ARHGAP24: variants seen among roughly 807,000 people sequenced by gnomAD.
ARHGAP24 encodes Rho GTPase activating protein 24, also known as rho GTPase-activating protein 24.
ARHGAP24 carries 50 observed loss-of-function variants against 76.4 expected under a neutral mutation model. The ratio of observed to expected loss-of-function variants is 0.65; its 90% CI spans 0.52 to 0.83. The LOEUF (loss-of-function observed/expected upper bound fraction) is 0.83. Among genes scored for constraint, ARHGAP24 ranks in the 40% least tolerant of loss-of-function variants. ARHGAP24 has a pLI of 0.00. For missense variants in ARHGAP24, 930 were observed against 914.2 expected (o/e 1.02, Z -0.22); for synonymous variants, 345 against 323.3 (o/e 1.07, Z -0.72).
intron 3 of ARHGAP24, among the ~76,000 whole-genome samples, chr4:85,816,071 A>G (rs988156078): frequency 2.6e-5 from 4 of 152,114 alleles, no homozygotes; most frequent in Non-Finnish European, 4.4e-5. Context: ...CAATCCAACT[A>G]TCTCCACCAG....
intron 2 of ARHGAP24, among the ~76,000 whole-genome samples, chr4:85,623,845 T>C (rs566218624): frequency 6.8e-6 from 1 of 146,548 alleles, no homozygotes; most frequent in South Asian, 2.3e-4. Flanking sequence ...TTTATTCTCT[T>C]TGAAGCAATT....
At chr4:85,743,567 C>A (rs1191638653) in intron 3 of ARHGAP24, among the ~76,000 whole-genome samples, 1 of 151,524 alleles carries the variant, frequency 6.6e-6, no homozygotes, top group African/African-American at 2.4e-5. Flanking sequence ...GATCCTGTCT[C>A]AAAAACAAAA....
intron 3 of ARHGAP24, among the ~76,000 whole-genome samples, chr4:85,775,780 G>C (rs1727289699): frequency 1.3e-5 from 2 of 152,166 alleles, no homozygotes; most frequent in Non-Finnish European, 2.9e-5. Flanking sequence ...TTGTAGTAGG[G>C]CTGAAGCAGG....
intron 1 of ARHGAP24, among the ~76,000 whole-genome samples, chr4:85,520,883 T>C (rs985127697): frequency 6.6e-6 from 1 of 152,152 alleles, no homozygotes; most frequent in Non-Finnish European, 1.5e-5. Flanking sequence ...TAAGAAACAC[T>C]GAGGTAGATG....
chr4:85,643,245 T>G (rs1470185402), intron 2 of ARHGAP24, among the ~76,000 whole-genome samples: 1,264 of 6,726 alleles, frequency 0.19, 160 homozygotes, highest in African/African-American at 0.31. Flanking sequence ...TTTTTTTTTT[T>G]TTTTTTTTTT....
rs1292385830 is a variant in ARHGAP24 at position 86,001,550 on chromosome 4, G to A, written c.*828G>A. On this transcript the variant is annotated 3_prime_UTR_variant, in exon 10 of 10. Transcript: ENST00000395184. ...TTGAATTACTCTGTCCCTCTGGACC[G>A]AATCTCTTTAACTGCTGGATAGTTT... 3 of 397,228 alleles carry A rather than the reference G, an allele frequency of 7.6e-6. No individual in the cohort carries two copies. The highest frequency in any genetic ancestry group is 4.4e-5 in the Admixed American group (1 of 22,708). 24.6% of individuals were successfully genotyped at this position (397,228 alleles called of 1,614,324 possible).
At chr4:85,596,310 T>G (rs1053265139) in intron 2 of ARHGAP24, among the ~76,000 whole-genome samples, 3 of 152,004 alleles carry the variant, frequency 2.0e-5, no homozygotes. Context: ...GCATTGAAGG[T>G]CAAACATGAA....
chr4:85,662,455 C>G (rs1393731880), intron 2 of ARHGAP24, among the ~76,000 whole-genome samples: 1 of 150,940 alleles, frequency 6.6e-6, no homozygotes, highest in Non-Finnish European at 1.5e-5. Flanking sequence ...AATTTTCTCC[C>G]ATTTTGTAGG....
chr4:85,784,635 G>T (rs1727721761), intron 3 of ARHGAP24, among the ~76,000 whole-genome samples: 1 of 151,984 alleles, frequency 6.6e-6, no homozygotes, highest in South Asian at 2.1e-4. Flanking sequence ...CCTATTCAAT[G>T]CTGTCTATGG....
chr4:85,690,975 G>T (rs1723633024), intron 2 of ARHGAP24, among the ~76,000 whole-genome samples: 1 of 151,968 alleles, frequency 6.6e-6, no homozygotes, highest in African/African-American at 2.4e-5. Context: ...CTTGGTGAAG[G>T]TGTTTGGTGC....
intron 3 of ARHGAP24, among the ~76,000 whole-genome samples, chr4:85,764,552 G>A (rs1473429949): frequency 6.6e-6 from 1 of 152,142 alleles, no homozygotes; most frequent in Non-Finnish European, 1.5e-5. Context: ...TGAGAAGCAA[G>A]ATGTGAGATT....
intron 3 of ARHGAP24, among the ~76,000 whole-genome samples, chr4:85,852,820 T>C (rs1314940507): frequency 6.6e-6 from 1 of 152,224 alleles, no homozygotes; most frequent in Non-Finnish European, 1.5e-5. Flanking sequence ...CAGCAAATAT[T>C]GCTGCCTGAT....
At chr4:85,810,494 C>T (rs753369597) in intron 3 of ARHGAP24, among the ~76,000 whole-genome samples, 4 of 152,186 alleles carry the variant, frequency 2.6e-5, no homozygotes, top group Non-Finnish European at 5.9e-5. Flanking sequence ...TTCATCCACT[C>T]AACATGGCTG....
In ARHGAP24 at chr4:86,000,587, C is replaced by T. The variant is rs370881870; in HGVS notation, c.2112C>T (p.Ala704=). 95 of 1,613,336 alleles carry T rather than the reference C, an allele frequency of 5.9e-5. No homozygotes were observed. The highest frequency in any genetic ancestry group is 7.5e-5 in the Non-Finnish European group (88 of 1,179,848). The change falls in exon 10 of 10, where the codon GCC becomes GCT. Residue 704 remains alanine (A), a synonymous_variant. Coordinates refer to ENST00000395184, the MANE Select transcript of ARHGAP24 (RefSeq NM_001025616.3). ...FTMIEIKMRN[A]ERAKEDAEKR... is the part of the protein sequence containing the mutation. ...TGATAGAAATAAAAATGCGAAATGC[C>T]GAGCGAGCAAAAGAAGATGCCGAGA...
intron 3 of ARHGAP24, among the ~76,000 whole-genome samples, chr4:85,760,306 T>G (rs1030786317): frequency 6.6e-6 from 1 of 152,204 alleles, no homozygotes; most frequent in Non-Finnish European, 1.5e-5. Flanking sequence ...CTGATTAACC[T>G]GAGATCTATA....
intron 1 of ARHGAP24, among the ~76,000 whole-genome samples, chr4:85,548,396 C>T (rs543009855): frequency 8.2e-4 from 125 of 152,268 alleles, no homozygotes; most frequent in Non-Finnish European, 9.6e-4. Context: ...ATTTTTATTT[C>T]TATATCTATG....
At chr4:85,664,627 C>T (rs1476565954) in intron 2 of ARHGAP24, among the ~76,000 whole-genome samples, 1 of 150,448 alleles carries the variant, frequency 6.6e-6, no homozygotes, top group Non-Finnish European at 1.5e-5. Flanking sequence ...TTGGATCTTT[C>T]CTGCTTTCTC....
intron 4 of ARHGAP24, among the ~76,000 whole-genome samples, chr4:85,928,282 A>ACT (rs1736127567): frequency 7.4e-6 from 1 of 134,410 alleles, no homozygotes; most frequent in Non-Finnish European, 1.6e-5. Context: ...CCTCCCTCGC[A>ACT]CTCTCCTTTC....
chr4:85,852,524 G>A (rs1452766120), intron 3 of ARHGAP24, among the ~76,000 whole-genome samples: 1 of 152,208 alleles, frequency 6.6e-6, no homozygotes, highest in Non-Finnish European at 1.5e-5. Context: ...TGGAGGAGAA[G>A]AGGCACTCTG....
Sources: allele counts gnomAD v4.1 joint callset (sites outside exome capture counted in the v4.1 genomes callset), GRCh38; gene constraint gnomAD v4.1.1; transcripts MANE v1.5; gene names NCBI Gene and HGNC (gene_info 2026-07-23, HGNC 2026-07-21).